Variants in GLT8D2 observed in about 807,000 individuals in gnomAD.
The protein encoded by GLT8D2 is glycosyltransferase 8 domain-containing protein 2.
Under a neutral mutation model 44.5 loss-of-function variants are expected in GLT8D2, and 45 were observed. That is an observed-to-expected ratio of 1.01 (90% CI 0.80 to 1.30). The LOEUF (loss-of-function observed/expected upper bound fraction) is 1.30, where lower values mean the gene tolerates loss of function less well. Among genes scored for constraint, GLT8D2 ranks in the 50% most tolerant of loss-of-function variants. The pLI is 0.00. For synonymous variants in GLT8D2, 156 were observed against 157.2 expected (o/e 0.99, Z 0.06); for missense variants, 400 against 430.4 (o/e 0.93, Z 0.62).
At chr12:104,022,771 T>C (rs1160515304) in intron 1 of GLT8D2, among the ~76,000 whole-genome samples, 6 of 144,460 alleles carry the variant, frequency 4.2e-5, no homozygotes, top group African/African-American at 1.3e-4. Context: ...CACACACACA[T>C]GCACACACAC....
intron 4 of GLT8D2, among the ~76,000 whole-genome samples, chr12:104,007,232 A>ATCTCTCTCTCTC: frequency 3.8e-5 from 1 of 26,234 alleles, no homozygotes. Flanking sequence ...TTATACTTAA[A>ATCTCTCTCTCTC]GCTCTCTCTC....
intron 1 of GLT8D2, among the ~76,000 whole-genome samples, chr12:104,060,402 C>T (rs2136558909): frequency 6.6e-6 from 1 of 152,250 alleles, no homozygotes; most frequent in Non-Finnish European, 1.5e-5. Context: ...TAGATGCCTC[C>T]CTCAAGGACA....
intron 6 of GLT8D2, among the ~76,000 whole-genome samples, chr12:103,999,069 G>T (rs571023548): frequency 6.6e-6 from 1 of 152,110 alleles, no homozygotes; most frequent in Non-Finnish European, 1.5e-5. Flanking sequence ...CCCAACAGCT[G>T]GTGGGTTTGG....
intron 5 of GLT8D2, among the ~76,000 whole-genome samples, chr12:104,000,324 G>A (rs532740252): frequency 2.3e-4 from 35 of 152,268 alleles, no homozygotes; most frequent in African/African-American, 8.2e-4. Context: ...AAGTGTGTGG[G>A]AAAAGTGTTC....
chr12:104,006,382 G>GATAA (rs966036739), intron 4 of GLT8D2, among the ~76,000 whole-genome samples: 5 of 152,080 alleles, frequency 3.3e-5, no homozygotes, highest in Admixed American at 2.0e-4. Flanking sequence ...ATAATAAATA[G>GATAA]ATAAATAAAT....
intron 4 of GLT8D2, among the ~76,000 whole-genome samples, chr12:104,005,772 T>C (rs1316602634): frequency 2.6e-5 from 4 of 152,226 alleles, no homozygotes; most frequent in African/African-American, 7.2e-5. Context: ...GGAACACTTT[T>C]ACACTGTTGG....
upstream of GLT8D2, chr12:104,064,321 C>A (rs1057306777): frequency 1.2e-5 from 5 of 428,032 alleles, no homozygotes; most frequent in Non-Finnish European, 1.6e-5. This position sits in a 1 kb window ranked among gnomAD's most constrained non-coding sequence, Gnocchi z 7.3. Context: ...CGTCCTTCCA[C>A]CCTAAGGTGC....
chr12:104,042,183 C>T (rs560719365), intron 1 of GLT8D2, among the ~76,000 whole-genome samples: 1 of 152,268 alleles, frequency 6.6e-6, no homozygotes, highest in Non-Finnish European at 1.5e-5. Context: ...TAATATAGAT[C>T]TGATGCACAG....
upstream of GLT8D2, among the ~76,000 whole-genome samples, chr12:104,052,199 G>C (rs570113571): frequency 6.6e-6 from 1 of 152,302 alleles, no homozygotes; most frequent in South Asian, 2.1e-4. Flanking sequence ...GTGGCTAGTG[G>C]CTACTATATT....
At chr12:103,989,601 T>C (rs572794992) in intron 10 of GLT8D2, 24 bp from the exon 11 acceptor site, 1 of 1,566,872 alleles carries the variant, frequency 6.4e-7, no homozygotes, top group East Asian at 2.2e-5. Flanking sequence ...AGAGAAAAAA[T>C]AATAGGCTTG....
At chr12:103,991,738 A>T (rs1192158292) in intron 10 of GLT8D2, among the ~76,000 whole-genome samples, 1 of 151,832 alleles carries the variant, frequency 6.6e-6, no homozygotes, top group Non-Finnish European at 1.5e-5. Flanking sequence ...GCTCAGGAAA[A>T]TCAGAGGATT....
intron 1 of GLT8D2, among the ~76,000 whole-genome samples, chr12:104,033,854 G>A (rs1029039946): frequency 6.6e-6 from 1 of 151,130 alleles, no homozygotes; most frequent in African/African-American, 2.4e-5. Flanking sequence ...AGACAGGATT[G>A]TCACCCAGGC....
chr12:104,026,940 C>T (rs774441739), intron 1 of GLT8D2, among the ~76,000 whole-genome samples: 4 of 152,154 alleles, frequency 2.6e-5, no homozygotes, highest in Non-Finnish European at 5.9e-5. Flanking sequence ...CCTTTAGAAA[C>T]TAACAACATG....
chr12:104,060,087 C>T (rs1435079889), intron 1 of GLT8D2, among the ~76,000 whole-genome samples: 1 of 152,166 alleles, frequency 6.6e-6, no homozygotes, highest in Non-Finnish European at 1.5e-5. Context: ...CTTCTTCGTC[C>T]TCTTCTTCCC....
At position 104,042,239 on chromosome 12, in the gene GLT8D2, T is replaced by C. The variant is rs1330178701; in HGVS notation, c.-164+7656A>G. Among the ~76,000 whole-genome samples the C allele has an allele frequency of 5.3e-5, 8 of 152,356 alleles. No homozygotes were observed. In the South Asian group the frequency reaches 1.7e-3, roughly 32 times the overall value. ...TGGGAATATCTGAGAAAGCTTTTCC[T>C]TTCTGGATGAAGTGTCAACTCCCCC... On this transcript the variant is annotated intron_variant, in intron 1 of 10. Transcript: ENST00000360814.
At chr12:104,036,951 A>G (rs1252536692) in intron 1 of GLT8D2, among the ~76,000 whole-genome samples, 2 of 152,206 alleles carry the variant, frequency 1.3e-5, no homozygotes, top group Admixed American at 6.5e-5. Context: ...AACAGAAATC[A>G]CAACAAACTG....
intron 4 of GLT8D2, among the ~76,000 whole-genome samples, chr12:104,012,170 CAAA>C (rs10571369): frequency 5.5e-3 from 454 of 83,208 alleles, no homozygotes; most frequent in African/African-American, 0.014. Context: ...AACTCTGTCT[CAAA>C]AAAAAAAAAA....
At chr12:103,999,595 T>A (rs757313081) in intron 5 of GLT8D2, 81 bp from the exon 6 acceptor site, 40 of 794,614 alleles carry the variant, frequency 5.0e-5, no homozygotes, top group Non-Finnish European at 8.4e-5. Context: ...GTCAATCTGT[T>A]GCCTCCCTAG....
chr12:104,036,686 G>C (rs1410644442), intron 1 of GLT8D2, among the ~76,000 whole-genome samples: 1 of 152,114 alleles, frequency 6.6e-6, no homozygotes. Flanking sequence ...CCTACAAAGA[G>C]ACTTAGACTC....
Sources: gnomAD v4.1 joint callset for allele counts (sites outside exome capture counted in the v4.1 genomes callset) on GRCh38, gnomAD v4.1.1 for gene constraint, Gnocchi (gnomAD v3.1) non-coding constraint, MANE v1.5 for transcripts, NCBI Gene and HGNC (gene_info 2026-07-23, HGNC 2026-07-21) for gene names.